Variants in XDH observed in about 807,000 individuals in gnomAD.
XDH encodes the protein xanthine dehydrogenase.
Under a neutral mutation model 156.1 loss-of-function variants are expected in XDH, and 138 were observed. That is an observed-to-expected ratio of 0.88 (90% CI 0.77 to 1.02). The LOEUF (loss-of-function observed/expected upper bound fraction) is 1.02, where lower values mean the gene tolerates loss of function less well. XDH is among the 50% of genes least tolerant of loss of function. The probability of loss-of-function intolerance (pLI) is 0.00; values close to 1 mark genes in which losing one functional copy is unlikely to be tolerated. For synonymous variants in XDH, 669 were observed against 625.7 expected (o/e 1.07, Z -1.03); for missense variants, 1,849 against 1,684.9 (o/e 1.10, Z -1.71).
intron 17 of XDH, among the ~76,000 whole-genome samples, chr2:31,371,183 C>T (rs1403940688): frequency 2.0e-5 from 3 of 152,196 alleles, no homozygotes; most frequent in South Asian, 2.1e-4. Context: ...CAACTATGTA[C>T]TCATCACACT....
At chr2:31,370,684 C>A (rs900445696) in intron 17 of XDH, among the ~76,000 whole-genome samples, 6 of 152,178 alleles carry the variant, frequency 3.9e-5, no homozygotes, top group Admixed American at 1.3e-4. Flanking sequence ...GGCCACTATG[C>A]TGAATGTTGC....
chr2:31,398,444 C>T (rs1479854172), intron 5 of XDH, 129 bp downstream of exon 5: 2 of 1,544,136 alleles, frequency 1.3e-6, no homozygotes, highest in Admixed American at 1.7e-5. Context: ...TTAGTCACCA[C>T]CTTGTTGGGG....
chr2:31,341,190 G>A, intron 33 of XDH, 139 bp downstream of exon 33: 3 of 890,516 alleles, frequency 3.4e-6, no homozygotes, highest in Non-Finnish European at 5.5e-6. Context: ...ATTCTACTTT[G>A]GGGGAAACTC....
chr2:31,405,362 C>T (rs889658360), intron 2 of XDH, among the ~76,000 whole-genome samples: 1 of 152,130 alleles, frequency 6.6e-6, no homozygotes, highest in Non-Finnish European at 1.5e-5. Flanking sequence ...CCCACCCACA[C>T]TGAGTGAAGA....
In XDH at chr2:31,374,910, C is replaced by T. The variant is rs116107660; in HGVS notation, c.1602+470G>A. On this transcript the variant is annotated intron_variant, in intron 15 of 35. Transcript: ENST00000379416. ...TTGAAGACATATCCTATGGATTCCACGGCCTCCTGGCTATTGCAGCCCCAC... is the reference window on the plus strand; with the variant it reads ...TTGAAGACATATCCTATGGATTCCATGGCCTCCTGGCTATTGCAGCCCCAC... Among the ~76,000 whole-genome samples, 1,289 of 152,194 alleles carry T rather than the reference C, an allele frequency of 8.5e-3. 19 individuals carry two copies. Among genetic ancestry groups the T allele is most frequent in the African/African-American group, 0.03 (1,235 of 41,534 alleles).
Position 31,371,923 on chromosome 2 carries a change from A to C in XDH, c.1856+305T>G, listed in dbSNP as rs13398137. Among the ~76,000 whole-genome samples the C allele has an allele frequency of 0.15, 22,337 of 152,196 alleles. 2,906 individuals are homozygous for C. The highest frequency in any genetic ancestry group is 0.35 in the African/African-American group (14,641 of 41,482). On this transcript the variant is annotated intron_variant, in intron 17 of 35. Transcript: ENST00000379416. ...GAAGTTCACACTCTCTGGCTTGAAC[A>C]TCCTGAGGCAGCACAACACAGTTGC...
In XDH at chr2:31,381,617, G is replaced by A; in HGVS notation, c.1132+16C>T. 6.2e-7 allele frequency: 1 copy of A among 1,613,600 alleles called. No homozygotes were observed. Among genetic ancestry groups the A allele is most frequent in the African/African-American group, 1.3e-5 (1 of 75,024 alleles). On this transcript the variant is annotated intron_variant, in intron 12 of 35. Coordinates refer to ENST00000379416, the MANE Select transcript of XDH (RefSeq NM_000379.4). ...CCCAAGTCCTTCTTCCTGGACCTCT[G>A]CTTCAGGCAGCTCACCTCTGGACAC...
At chr2:31,410,698 T>G (rs1687318865) in intron 1 of XDH, among the ~76,000 whole-genome samples, 1 of 152,144 alleles carries the variant, frequency 6.6e-6, no homozygotes, top group Admixed American at 6.6e-5. Flanking sequence ...ACTCTGAATC[T>G]AATTACAAGA....
intron 24 of XDH, among the ~76,000 whole-genome samples, chr2:31,359,561 T>C (rs1685719231): frequency 6.6e-6 from 1 of 152,178 alleles, no homozygotes. Flanking sequence ...AGACCACCAG[T>C]GATCTGCAGA....
rs1369778020 is a variant in XDH, at chr2:31,337,712, G to C, written c.3880C>G (p.Leu1294Val). The C allele has an allele frequency of 1.2e-6, 2 of 1,614,244 alleles. No homozygotes were observed. Among genetic ancestry groups the C allele is most frequent in the East Asian group, 2.2e-5 (1 of 44,890 alleles). The stretch of plus-strand genomic sequence containing the variant: ...GTGGCAGGGCTGTCTAGCCGGAAGA[G>C]TTCCTTCACGTTATTACCTGTGTGC... ...AQHTGNNVKE[L>V]FRLDSPATPE... The change falls in exon 35 of 36, where the codon CTC (leucine) becomes GTC (valine). Residue 1294 changes from leucine to valine, a missense_variant. By Grantham distance (32) the Leu-to-Val change is conservative. Coordinates refer to ENST00000379416, the MANE Select transcript of XDH (RefSeq NM_000379.4).
At position 31,347,670 on chromosome 2, in the gene XDH, T is replaced by G. The variant is rs1685338178; in HGVS notation, c.3148-20A>C. On this transcript the variant is annotated intron_variant, in intron 28 of 35. Coordinates refer to ENST00000379416, the MANE Select transcript of XDH (RefSeq NM_000379.4). Reference sequence around the variant, plus strand: ...GGCCACCTGCGAAAAGAGAAGACATTGCCCTCTAGGGAAGGGGTTATCATG... The same window carrying G: ...GGCCACCTGCGAAAAGAGAAGACATGGCCCTCTAGGGAAGGGGTTATCATG... 2 of 1,611,710 alleles carry G rather than the reference T, an allele frequency of 1.2e-6. No homozygotes were observed. Among genetic ancestry groups the G allele is most frequent in the Non-Finnish European group, 1.7e-6 (2 of 1,178,380 alleles).
chr2:31,406,764 T>C (rs534655201), intron 1 of XDH, among the ~76,000 whole-genome samples: 5 of 152,320 alleles, frequency 3.3e-5, no homozygotes, highest in Admixed American at 3.3e-4. Context: ...ATCTCGGACT[T>C]TGCCTCTTTG....
At chr2:31,395,942 C>T (rs182032568) in intron 6 of XDH, among the ~76,000 whole-genome samples, 1 of 152,330 alleles carries the variant, frequency 6.6e-6, no homozygotes, top group East Asian at 1.9e-4. Flanking sequence ...TTCCTTGTCA[C>T]CAGATAGCTG....
intron 23 of XDH, 54 bp from the exon 24 acceptor site, chr2:31,364,298 C>G: frequency 1.3e-6 from 2 of 1,530,154 alleles, no homozygotes; most frequent in South Asian, 2.2e-5. Context: ...TCCCCCACCT[C>G]TCTGTCTCCC....
intron 24 of XDH, among the ~76,000 whole-genome samples, chr2:31,358,942 C>T (rs1685701848): frequency 6.6e-6 from 1 of 151,990 alleles, no homozygotes; most frequent in African/African-American, 2.4e-5. Flanking sequence ...TGAAAACATG[C>T]AGATTGGAAA....
chr2:31,336,084 T>C (rs45456694), intron 35 of XDH, 76 bp from the exon 36 acceptor site: 343 of 1,471,600 alleles, frequency 2.3e-4, no homozygotes, highest in Middle Eastern at 1.2e-3. Flanking sequence ...ATACCTCACC[T>C]CCCACCACTG....
At chr2:31,389,283 C>G (rs376785499) in intron 6 of XDH, among the ~76,000 whole-genome samples, 1 of 152,132 alleles carries the variant, frequency 6.6e-6, no homozygotes, top group African/African-American at 2.4e-5. Context: ...GGAGGTGTGA[C>G]CTTGGAGAAG....
intron 27 of XDH, 96 bp downstream of exon 27, chr2:31,348,803 A>T: frequency 9.0e-7 from 1 of 1,114,116 alleles, no homozygotes; most frequent in Non-Finnish European, 1.4e-6. Flanking sequence ...AAGCCCTGTT[A>T]CCAGTGACAA....
intron 6 of XDH, among the ~76,000 whole-genome samples, chr2:31,392,795 C>T (rs991614996): frequency 3.3e-5 from 5 of 152,186 alleles, no homozygotes; most frequent in African/African-American, 1.2e-4. Flanking sequence ...GCATTGTTTT[C>T]ACTGCATCTT....
Sources: allele counts gnomAD v4.1 joint callset (sites outside exome capture counted in the v4.1 genomes callset), GRCh38; gene constraint gnomAD v4.1.1; transcripts MANE v1.5; gene names NCBI Gene and HGNC (gene_info 2026-07-23, HGNC 2026-07-21).